The following LRRC4C variants were observed in gnomAD, a reference collection of about 807,000 sequenced individuals.
LRRC4C encodes leucine rich repeat containing 4C.
LRRC4C carries 5 observed loss-of-function variants against 33.6 expected under a neutral mutation model. The ratio of observed to expected loss-of-function variants is 0.15; its 90% CI spans 0.08 to 0.31. The LOEUF is 0.31. LRRC4C is among the 10% of genes least tolerant of loss of function. The pLI, the probability that LRRC4C is intolerant of heterozygous loss-of-function variation, is 1.00. For missense variants in LRRC4C, 560 were observed against 796.7 expected (o/e 0.70, Z 3.58); for synonymous variants, 329 against 302.0 (o/e 1.09, Z -0.93).
intron 2 of LRRC4C, among the ~76,000 whole-genome samples, chr11:40,770,170 AG>A (rs1949687430): frequency 6.6e-6 from 1 of 152,164 alleles, no homozygotes; most frequent in Admixed American, 6.6e-5. Context: ...TAAAGGAAAA[AG>A]GTTTAATTGA....
intron 3 of LRRC4C, among the ~76,000 whole-genome samples, chr11:40,399,547 G>C (rs375204837): frequency 3.9e-5 from 6 of 151,988 alleles, no homozygotes; most frequent in East Asian, 3.9e-4. Context: ...GTGGGAGGAG[G>C]GGGGAGGGAT....
intron 1 of LRRC4C, among the ~76,000 whole-genome samples, chr11:41,079,300 G>A (rs1436517868): frequency 1.3e-5 from 2 of 152,138 alleles, no homozygotes; most frequent in African/African-American, 4.8e-5. Flanking sequence ...TATTTGGCAT[G>A]GAGAAGTAGC....
rs576094985 is a variant in LRRC4C at position 40,460,732 on chromosome 11, C to T, written c.-269-141011G>A. Among the ~76,000 whole-genome samples, 7 of 152,242 alleles carry T rather than the reference C, an allele frequency of 4.6e-5. 1 individual carries two copies. The highest frequency in any genetic ancestry group is 1.4e-4 in the African/African-American group (6 of 41,558). The stretch of plus-strand genomic sequence containing the variant: ...GCTATGCACCAGACAAGATGCTCCA[C>T]GAAGACAGGGGCTTTGCCTTTTTCA... On this transcript the variant is annotated intron_variant, in intron 3 of 6. Coordinates refer to ENST00000528697, the MANE Select transcript of LRRC4C (RefSeq NM_001258419.2).
chr11:41,226,840 C>A (rs1244016682), intron 1 of LRRC4C, among the ~76,000 whole-genome samples: 1 of 151,608 alleles, frequency 6.6e-6, no homozygotes, highest in Admixed American at 6.6e-5. Flanking sequence ...TAAAATAGTC[C>A]ACATCTGCAG....
At chr11:40,504,007 G>C (rs1167911260) in intron 3 of LRRC4C, among the ~76,000 whole-genome samples, 1 of 152,028 alleles carries the variant, frequency 6.6e-6, no homozygotes, top group Non-Finnish European at 1.5e-5. Context: ...CAGCCCCCCA[G>C]TAACCCTCTC....
intron 3 of LRRC4C, among the ~76,000 whole-genome samples, chr11:40,470,541 G>A (rs1310091053): frequency 2.6e-5 from 4 of 152,164 alleles, no homozygotes; most frequent in African/African-American, 7.2e-5. Context: ...TGAGATTGAC[G>A]AATTGACAGA....
chr11:40,972,490 G>T (rs898347673), intron 1 of LRRC4C, among the ~76,000 whole-genome samples: 1 of 152,056 alleles, frequency 6.6e-6, no homozygotes, highest in Non-Finnish European at 1.5e-5. Context: ...AGGGCAAAAT[G>T]ATATGGCTAG....
At chr11:40,943,332 G>A (rs748051792) in intron 1 of LRRC4C, among the ~76,000 whole-genome samples, 2 of 152,114 alleles carry the variant, frequency 1.3e-5, no homozygotes, top group Non-Finnish European at 2.9e-5. Context: ...ATGATCACAC[G>A]AATGATTGTA....
intron 5 of LRRC4C, among the ~76,000 whole-genome samples, chr11:40,188,567 G>A (rs1861588803): frequency 6.6e-6 from 1 of 152,092 alleles, no homozygotes; most frequent in African/African-American, 2.4e-5. Context: ...TCATTTTTAT[G>A]GTTTCAAAAG....
intron 3 of LRRC4C, among the ~76,000 whole-genome samples, chr11:40,347,199 CA>C (rs554843028): frequency 4.1e-4 from 62 of 152,338 alleles, no homozygotes; most frequent in African/African-American, 1.5e-3. Context: ...TAACTTGCTG[CA>C]GCTCCTACAT....
chr11:40,722,306 G>C (rs865977950), intron 2 of LRRC4C, among the ~76,000 whole-genome samples: 73 of 152,182 alleles, frequency 4.8e-4, no homozygotes, highest in African/African-American at 1.6e-3. Context: ...TCCCTAGAGA[G>C]AGCACGGCTG....
At chr11:41,097,737 G>A (rs1429037088) in intron 1 of LRRC4C, among the ~76,000 whole-genome samples, 3 of 152,036 alleles carry the variant, frequency 2.0e-5, no homozygotes, top group African/African-American at 7.2e-5. Flanking sequence ...CTTTTCTTGA[G>A]GATGGTAACA....
At chr11:40,989,877 T>TA (rs1265894580) in intron 1 of LRRC4C, among the ~76,000 whole-genome samples, 1 of 151,406 alleles carries the variant, frequency 6.6e-6, no homozygotes, top group Non-Finnish European at 1.5e-5. Context: ...CAGAAAAAAA[T>TA]AAAAAATAAA....
chr11:41,370,352 G>A (rs1952699583), intron 1 of LRRC4C, among the ~76,000 whole-genome samples: 1 of 152,002 alleles, frequency 6.6e-6, no homozygotes, highest in South Asian at 2.1e-4. Context: ...CCCAGTGATA[G>A]GTTTGGCCCT....
intron 3 of LRRC4C, among the ~76,000 whole-genome samples, chr11:40,572,105 C>T (rs1020209061): frequency 3.9e-5 from 6 of 152,164 alleles, no homozygotes; most frequent in African/African-American, 9.7e-5. Flanking sequence ...ATGGTACCTG[C>T]TATTAATTGT....
At chr11:41,367,655 A>G (rs1268607502) in intron 1 of LRRC4C, among the ~76,000 whole-genome samples, 1 of 152,098 alleles carries the variant, frequency 6.6e-6, no homozygotes, top group Non-Finnish European at 1.5e-5. Flanking sequence ...TCTGTACTGT[A>G]TATACATACC....
chr11:40,210,489 G>C (rs1036506765), intron 5 of LRRC4C, among the ~76,000 whole-genome samples: 1 of 152,170 alleles, frequency 6.6e-6, no homozygotes, highest in Admixed American at 6.5e-5. Flanking sequence ...CAGTAAAAGA[G>C]TGTTCAGCTT....
intron 2 of LRRC4C, among the ~76,000 whole-genome samples, chr11:40,752,869 T>A (rs549899865): frequency 6.6e-6 from 1 of 152,084 alleles, no homozygotes; most frequent in Non-Finnish European, 1.5e-5. Flanking sequence ...GGAATCAACC[T>A]AAGTATCTGT....
chr11:40,301,488 G>T (rs1944772333), intron 4 of LRRC4C, among the ~76,000 whole-genome samples: 1 of 152,192 alleles, frequency 6.6e-6, no homozygotes, highest in Admixed American at 6.5e-5. Context: ...GAAGACAGCT[G>T]CATTTTATAC....
Sources: gnomAD v4.1 joint callset for allele counts (sites outside exome capture counted in the v4.1 genomes callset) on GRCh38, gnomAD v4.1.1 for gene constraint, MANE v1.5 for transcripts, NCBI Gene and HGNC (gene_info 2026-07-23, HGNC 2026-07-21) for gene names.